THSD4: variants seen among roughly 807,000 people sequenced by gnomAD.
THSD4 encodes thrombospondin type 1 domain containing 4.
Under a neutral mutation model 119.0 loss-of-function variants are expected in THSD4, and 69 were observed. The observed-to-expected ratio is 0.58, with a 90% confidence interval of 0.48 to 0.71. The LOEUF (loss-of-function observed/expected upper bound fraction) is 0.71. Ranked by LOEUF, THSD4 falls within the 30% of genes least tolerant of loss-of-function variation. THSD4 has a pLI of 0.00. For missense variants in THSD4, 1,393 were observed against 1,391.1 expected (o/e 1.00, Z -0.02); for synonymous variants, 524 against 540.4 (o/e 0.97, Z 0.42).
chr15:71,456,309 T>C (rs1173589562), intron 7 of THSD4, among the ~76,000 whole-genome samples: 1 of 152,226 alleles, frequency 6.6e-6, no homozygotes, highest in Non-Finnish European at 1.5e-5. Flanking sequence ...TCCTAATTTC[T>C]TTCACTTCTG....
chr15:71,524,763 ATT>A (rs35666244), intron 7 of THSD4, among the ~76,000 whole-genome samples: 4,429 of 116,102 alleles, frequency 0.038, 114 homozygotes, highest in African/African-American at 0.1. Context: ...CGCCCGGCTA[ATT>A]TTTTTTTTTT....
At chr15:71,398,314 G>T (rs889745608) in intron 6 of THSD4, among the ~76,000 whole-genome samples, 19 of 152,154 alleles carry the variant, frequency 1.2e-4, no homozygotes, top group African/African-American at 4.3e-4. Context: ...TTTAGGAGTG[G>T]TGGGAAAGGA....
At chr15:71,411,589 C>A in intron 6 of THSD4, 98 bp from the exon 7 acceptor site, 1 of 1,341,406 alleles carries the variant, frequency 7.5e-7, no homozygotes, top group Non-Finnish European at 1.0e-6. Flanking sequence ...AAATTTTTCT[C>A]AATAAAAATT....
intron 7 of THSD4, among the ~76,000 whole-genome samples, chr15:71,491,662 G>A (rs1003664453): frequency 6.6e-6 from 1 of 152,110 alleles, no homozygotes; most frequent in Non-Finnish European, 1.5e-5. Flanking sequence ...ATTGAACCCA[G>A]GAGTTTGAGG....
intron 6 of THSD4, among the ~76,000 whole-genome samples, chr15:71,391,026 ATTTTTT>A (rs66485449): frequency 3.2e-5 from 4 of 126,512 alleles, no homozygotes; most frequent in Non-Finnish European, 4.9e-5. Flanking sequence ...ATGCCGGCTA[ATTTTTT>A]TTTTTTTTTT....
chr15:71,530,989 T>C (rs2048601923), intron 7 of THSD4, among the ~76,000 whole-genome samples: 1 of 152,100 alleles, frequency 6.6e-6, no homozygotes, highest in Non-Finnish European at 1.5e-5. Flanking sequence ...AACTTAGATT[T>C]TGAGTCAGAA....
chr15:71,568,711 G>T (rs1190012069), intron 7 of THSD4, among the ~76,000 whole-genome samples: 3 of 151,804 alleles, frequency 2.0e-5, no homozygotes, highest in African/African-American at 7.3e-5. Context: ...ATTTACATTA[G>T]ATATATCTCC....
chr15:71,483,982 T>A (rs1447500455), intron 7 of THSD4, among the ~76,000 whole-genome samples: 1 of 152,188 alleles, frequency 6.6e-6, no homozygotes, highest in Non-Finnish European at 1.5e-5. Context: ...ACACCATTCA[T>A]TCTGCCTATT....
intron 6 of THSD4, among the ~76,000 whole-genome samples, chr15:71,373,831 A>AGAGT (rs1444740088): frequency 2.0e-5 from 3 of 152,218 alleles, no homozygotes; most frequent in African/African-American, 7.2e-5. Flanking sequence ...GTTCCCGTTG[A>AGAGT]GAGTGAGTGA....
intron 7 of THSD4, among the ~76,000 whole-genome samples, chr15:71,559,301 A>G (rs983066602): frequency 3.3e-5 from 5 of 152,148 alleles, no homozygotes; most frequent in Non-Finnish European, 7.4e-5. Flanking sequence ...TTCTGAGTTT[A>G]GAATTTTTTC....
At chr15:71,231,320 C>T (rs1042532555) in intron 4 of THSD4, among the ~76,000 whole-genome samples, 1 of 152,152 alleles carries the variant, frequency 6.6e-6, no homozygotes, top group African/African-American at 2.4e-5. Flanking sequence ...ATTTTGGCAG[C>T]TGGGGTTGGG....
At chr15:71,263,645 G>A (rs1642196299) in intron 6 of THSD4, among the ~76,000 whole-genome samples, 1 of 152,062 alleles carries the variant, frequency 6.6e-6, no homozygotes. Flanking sequence ...CCACAACCTT[G>A]CCAGCATCTT....
At chr15:71,422,289 A>G (rs2046818946) in intron 7 of THSD4, among the ~76,000 whole-genome samples, 1 of 152,106 alleles carries the variant, frequency 6.6e-6, no homozygotes, top group African/African-American at 2.4e-5. Flanking sequence ...GCTTGTACAC[A>G]GTCTGGGTTT....
chr15:71,468,050 T>C (rs1353199494), intron 7 of THSD4, among the ~76,000 whole-genome samples: 1 of 152,132 alleles, frequency 6.6e-6, no homozygotes, highest in Non-Finnish European at 1.5e-5. Flanking sequence ...GGTTTCATCA[T>C]GTTGGCCAGG....
chr15:71,444,146 G>T (rs1334218674), intron 7 of THSD4, among the ~76,000 whole-genome samples: 1 of 152,218 alleles, frequency 6.6e-6, no homozygotes, highest in Non-Finnish European at 1.5e-5. Flanking sequence ...ATAAATGCAT[G>T]ATGAATGGTG....
At chr15:71,728,747 T>C in intron 9 of THSD4, 23 bp downstream of exon 9, 1 of 1,612,726 alleles carries the variant, frequency 6.2e-7, no homozygotes, top group Non-Finnish European at 8.5e-7. Context: ...GTTTCTGGAC[T>C]GTTCTTTGGA....
At chr15:71,335,126 C>T (rs1404900833) in intron 6 of THSD4, among the ~76,000 whole-genome samples, 8 of 152,270 alleles carry the variant, frequency 5.3e-5, no homozygotes, top group Admixed American at 5.2e-4. Flanking sequence ...GTCTTGAATC[C>T]TGGGTCATGT....
chr15:71,631,671 A>G (rs550069530), intron 7 of THSD4, among the ~76,000 whole-genome samples: 181 of 152,366 alleles, frequency 1.2e-3, no homozygotes, highest in African/African-American at 4.2e-3. Flanking sequence ...GAAATAGCCC[A>G]GGAGGGCTTA....
At chr15:71,622,073 GC>G (rs2050428204) in intron 7 of THSD4, among the ~76,000 whole-genome samples, 1 of 152,182 alleles carries the variant, frequency 6.6e-6, no homozygotes, top group Non-Finnish European at 1.5e-5. Flanking sequence ...TGTTTAGAAA[GC>G]AATTCCCGAT....
Sources: gnomAD v4.1 joint callset for allele counts (sites outside exome capture counted in the v4.1 genomes callset) on GRCh38, gnomAD v4.1.1 for gene constraint, MANE v1.5 for transcripts, NCBI Gene and HGNC (gene_info 2026-07-23, HGNC 2026-07-21) for gene names.